Variants in TNKS observed in about 807,000 individuals in gnomAD.
TNKS encodes the protein poly [ADP-ribose] polymerase tankyrase-1.
Under a neutral mutation model 135.8 loss-of-function variants are expected in TNKS, and 72 were observed. The observed-to-expected ratio is 0.53, with a 90% CI of 0.44 to 0.64. The LOEUF is 0.64. TNKS is among the 30% of genes least tolerant of loss of function. The pLI, the probability that TNKS is intolerant of heterozygous loss-of-function variation, is 0.00. For missense variants in TNKS, 1,769 were observed against 1,674.0 expected (o/e 1.06, Z -0.99); for synonymous variants, 849 against 649.3 (o/e 1.31, Z -4.68).
intron 3 of TNKS, among the ~76,000 whole-genome samples, chr8:9,660,003 C>G (rs1015493852): frequency 6.6e-6 from 1 of 152,150 alleles, no homozygotes; most frequent in Non-Finnish European, 1.5e-5. Context: ...TGGATAAATT[C>G]CTCGACACAT....
chr8:9,731,460 C>CA (rs36213271), intron 14 of TNKS, among the ~76,000 whole-genome samples: 2,987 of 66,914 alleles, frequency 0.045, 183 homozygotes, highest in East Asian at 0.2. Context: ...AATTCCATCT[C>CA]AAAAAAAAAA....
chr8:9,768,854 A>G (rs946490415), intron 25 of TNKS, among the ~76,000 whole-genome samples: 3 of 152,194 alleles, frequency 2.0e-5, no homozygotes, highest in Non-Finnish European at 4.4e-5. Flanking sequence ...AGGATCATCA[A>G]TAGCATCCAA....
rs368359866 is a variant in TNKS, at chr8:9,752,644, T to C, written c.3153+18T>C. The C allele has an allele frequency of 1.2e-5, 18 of 1,528,582 alleles. No homozygotes were observed. Among genetic ancestry groups the C allele is most frequent in the Admixed American group, 1.7e-5 (1 of 58,554 alleles). 94.7% of individuals were successfully genotyped at this position (1,528,582 alleles called of 1,614,324 possible). ...CAGAACAGGTAAATACTCTTGTATA[T>C]ATTTGAGTCATTTAAATTAAATACT... On this transcript the variant is annotated intron_variant, in intron 20 of 26. Coordinates refer to ENST00000310430, the MANE Select transcript of TNKS (RefSeq NM_003747.3).
intron 15 of TNKS, 63 bp from the exon 16 acceptor site, chr8:9,734,802 A>C: frequency 7.4e-7 from 1 of 1,356,054 alleles, no homozygotes; most frequent in South Asian, 1.4e-5. Context: ...TTAATTACCT[A>C]CCTACCTACC....
At chr8:9,679,101 T>G (rs1243277033) in intron 3 of TNKS, among the ~76,000 whole-genome samples, 3 of 152,192 alleles carry the variant, frequency 2.0e-5, no homozygotes, top group Non-Finnish European at 4.4e-5. Context: ...TATTTCTATT[T>G]TCATCATTTG....
intron 12 of TNKS, among the ~76,000 whole-genome samples, chr8:9,724,275 C>A (rs879652428): frequency 1.4e-4 from 21 of 152,142 alleles, no homozygotes; most frequent in Non-Finnish European, 2.4e-4. Context: ...CATGGCGAAA[C>A]CCCGTCTCTA....
At chr8:9,597,272 A>G (rs146224740) in intron 2 of TNKS, among the ~76,000 whole-genome samples, 2 of 152,344 alleles carry the variant, frequency 1.3e-5, no homozygotes, top group Admixed American at 6.5e-5. Flanking sequence ...AAGCAAGTAG[A>G]GTCTCAGTAA....
At chr8:9,609,620 C>G (rs1303698754) in intron 2 of TNKS, among the ~76,000 whole-genome samples, 1 of 152,176 alleles carries the variant, frequency 6.6e-6, no homozygotes, top group Non-Finnish European at 1.5e-5. Context: ...ATTTCCTTTG[C>G]TCTTCAGTTT....
In TNKS at chr8:9,680,755, A is replaced by C; in HGVS notation, c.1062A>C (p.Leu354Phe). 6.2e-7 allele frequency: 1 copy of C among 1,612,698 alleles called. No individual in the cohort carries two copies. ...RSGNEEKLMA[L>F]LTPLNVNCHA... is the part of the protein sequence containing the mutation. ...GTAATGAAGAAAAACTAATGGCTTT[A>C]CTGACTCCTCTAAATGTGAATTGCC... is the stretch of plus-strand genomic sequence containing the variant. The change falls in exon 5 of 27, where the codon TTA becomes TTC. Residue 354 changes from leucine to phenylalanine, a missense_variant. Leu to Phe is a conservative substitution (Grantham distance 22, BLOSUM62 0). Coordinates refer to ENST00000310430, the MANE Select transcript of TNKS (RefSeq NM_003747.3).
intron 12 of TNKS, among the ~76,000 whole-genome samples, chr8:9,722,740 G>A (rs572643488): frequency 5.9e-4 from 90 of 152,188 alleles, no homozygotes; most frequent in African/African-American, 1.9e-3. Flanking sequence ...GAATCATTTA[G>A]TACCGAATTT....
At chr8:9,681,292 G>A (rs1802771751) in intron 5 of TNKS, 1 of 152,050 alleles carries the variant, frequency 6.6e-6, no homozygotes, top group African/African-American at 2.4e-5. Context: ...TATTTGTACT[G>A]GCTAAGTTTT....
chr8:9,630,350 A>G (rs1800240857), intron 3 of TNKS, among the ~76,000 whole-genome samples: 1 of 152,246 alleles, frequency 6.6e-6, no homozygotes, highest in Non-Finnish European at 1.5e-5. Flanking sequence ...TACCAGCAGT[A>G]TAAAATGTAC....
chr8:9,615,258 TCA>T, intron 2 of TNKS: 1 of 187,362 alleles, frequency 5.3e-6, no homozygotes, highest in Non-Finnish European at 1.1e-5. Flanking sequence ...TTAGCATATT[TCA>T]CAGTGTGAGC....
At chr8:9,654,765 G>C (rs1801283256) in intron 3 of TNKS, among the ~76,000 whole-genome samples, 1 of 152,198 alleles carries the variant, frequency 6.6e-6, no homozygotes, top group Non-Finnish European at 1.5e-5. Context: ...CTACTTGGGG[G>C]TGGAGCCAAG....
At chr8:9,736,308 A>G (rs1313902147) in intron 17 of TNKS, among the ~76,000 whole-genome samples, 3 of 147,946 alleles carry the variant, frequency 2.0e-5, no homozygotes, top group African/African-American at 7.4e-5. Context: ...GCTTGAGCCC[A>G]GGAGTTCAAG....
intron 2 of TNKS, among the ~76,000 whole-genome samples, chr8:9,592,606 C>T (rs745511350): frequency 1.1e-4 from 17 of 152,154 alleles, no homozygotes; most frequent in Admixed American, 3.3e-4. Context: ...GCATGTACCA[C>T]GTTCTCTGTG....
intron 3 of TNKS, among the ~76,000 whole-genome samples, chr8:9,633,637 C>G (rs1441460146): frequency 6.6e-6 from 1 of 152,184 alleles, no homozygotes; most frequent in Non-Finnish European, 1.5e-5. Context: ...AAGCCATTTT[C>G]AAGATGGTCA....
intron 6 of TNKS, among the ~76,000 whole-genome samples, chr8:9,705,321 T>C (rs1432629449): frequency 6.6e-6 from 1 of 152,224 alleles, no homozygotes. Context: ...TCCAGAGATA[T>C]ACGATCATTG....
intron 3 of TNKS, among the ~76,000 whole-genome samples, chr8:9,658,046 G>C (rs1373294723): frequency 1.2e-5 from 1 of 83,916 alleles, no homozygotes; most frequent in Non-Finnish European, 2.4e-5. Context: ...GACGATGGGC[G>C]GCCGGGCAGA....
Sources: gnomAD v4.1 joint callset for allele counts (sites outside exome capture counted in the v4.1 genomes callset) on GRCh38, gnomAD v4.1.1 for gene constraint, MANE v1.5 for transcripts, NCBI Gene and HGNC (gene_info 2026-07-23, HGNC 2026-07-21) for gene names.